The following B3GLCT variants were observed in gnomAD, a reference collection of about 807,000 sequenced individuals.
The protein encoded by B3GLCT is beta-1,3-glucosyltransferase.
In B3GLCT, 65 loss-of-function variants were observed where a neutral mutation model predicts 63.4. The observed-to-expected ratio is 1.03, with a 90% CI of 0.84 to 1.26. The LOEUF (loss-of-function observed/expected upper bound fraction) is 1.26. Ranked by LOEUF, B3GLCT falls within the 50% of genes most tolerant of loss-of-function variation. The pLI, the probability that B3GLCT is intolerant of heterozygous loss-of-function variation, is 0.00. For synonymous variants in B3GLCT, 233 were observed against 219.2 expected, an observed-to-expected ratio of 1.06 and a Z score of -0.55; for missense variants, 577 against 604.8, an observed-to-expected ratio of 0.95 and a Z score of 0.48.
At chr13:31,229,555 G>A (rs1187239303) in intron 4 of B3GLCT, among the ~76,000 whole-genome samples, 1 of 152,102 alleles carries the variant, frequency 6.6e-6, no homozygotes, top group African/African-American at 2.4e-5. Context: ...AGACCAGCCT[G>A]GCCAACATGG....
chr13:31,273,751 T>A lies in B3GLCT; in HGVS notation c.661-758T>A, dbSNP rs147946684. ...TTGCTAGTGGGTTATACTGACGAGA[T>A]AATTTAAATTATCAGTTTGAGATGT... is the stretch of plus-strand genomic sequence containing the variant. On this transcript the variant is annotated intron_variant, in intron 8 of 14. Transcript: ENST00000343307. Among the ~76,000 whole-genome samples, 19 of 152,372 alleles carry A rather than the reference T, an allele frequency of 1.2e-4. 1 individual carries two copies. In the East Asian group the frequency reaches 3.7e-3, roughly 29 times the overall value.
At chr13:31,284,869 C>T (rs1873245578) in intron 11 of B3GLCT, 108 bp downstream of exon 11, 1 of 766,714 alleles carries the variant, frequency 1.3e-6, no homozygotes, top group Non-Finnish European at 2.3e-6. Flanking sequence ...ATAATTTTTG[C>T]CTCATATTAG....
chr13:31,207,810 T>A (rs1271072421), intron 1 of B3GLCT, among the ~76,000 whole-genome samples: 1 of 152,226 alleles, frequency 6.6e-6, no homozygotes, highest in African/African-American at 2.4e-5. Flanking sequence ...CTTGGCCTCC[T>A]TCCTCACTAC....
chr13:31,282,643 CTG>C (rs1477874851), intron 10 of B3GLCT, among the ~76,000 whole-genome samples: 2 of 66,784 alleles, frequency 3.0e-5, no homozygotes, highest in Non-Finnish European at 6.2e-5. Context: ...GAGTGAGACT[CTG>C]TCTCAAAAAA....
intron 12 of B3GLCT, among the ~76,000 whole-genome samples, chr13:31,314,013 G>A (rs1198266245): frequency 6.6e-6 from 1 of 152,144 alleles, no homozygotes; most frequent in Non-Finnish European, 1.5e-5. Context: ...CCCAAGCCTT[G>A]GCAGCTTCCA....
chr13:31,219,380 AT>A (rs1462370987), intron 2 of B3GLCT, among the ~76,000 whole-genome samples: 46 of 152,298 alleles, frequency 3.0e-4, no homozygotes, highest in African/African-American at 9.4e-4. Context: ...ATCATTGAAT[AT>A]TTCTCACTTT....
At chr13:31,276,245 G>C (rs1014527657) in intron 9 of B3GLCT, among the ~76,000 whole-genome samples, 1 of 152,130 alleles carries the variant, frequency 6.6e-6, no homozygotes, top group Non-Finnish European at 1.5e-5. Flanking sequence ...TTAAAGTAAG[G>C]CCAGGCCCAG....
At chr13:31,244,556 A>G (rs1871108242) in intron 4 of B3GLCT, among the ~76,000 whole-genome samples, 1 of 152,180 alleles carries the variant, frequency 6.6e-6, no homozygotes, top group African/African-American at 2.4e-5. Flanking sequence ...CACTACCTTT[A>G]AGGAGATCTA....
At chr13:31,234,986 G>A (rs1003595098) in intron 4 of B3GLCT, among the ~76,000 whole-genome samples, 8 of 152,140 alleles carry the variant, frequency 5.3e-5, no homozygotes, top group African/African-American at 1.9e-4. Flanking sequence ...CGTGGGACTA[G>A]TCTTGGGCCA....
intron 4 of B3GLCT, 46 bp from the exon 5 acceptor site, chr13:31,246,977 G>A (rs370517693): frequency 6.6e-5 from 63 of 961,736 alleles, no homozygotes; most frequent in African/African-American, 3.5e-4. Context: ...ACTTTTTTTC[G>A]GAGTAGTCAA....
chr13:31,296,771 A>T (rs1036591276), intron 12 of B3GLCT, among the ~76,000 whole-genome samples: 1 of 151,902 alleles, frequency 6.6e-6, no homozygotes, highest in Non-Finnish European at 1.5e-5. Context: ...TAATTGTGGT[A>T]AAGTACACAC....
chr13:31,207,823 C>G (rs1869037781), intron 1 of B3GLCT, among the ~76,000 whole-genome samples: 1 of 152,232 alleles, frequency 6.6e-6, no homozygotes, highest in Non-Finnish European at 1.5e-5. Flanking sequence ...CTCACTACTT[C>G]TCTCCACTGG....
chr13:31,231,863 A>T (rs1439161483), intron 4 of B3GLCT, among the ~76,000 whole-genome samples: 1 of 152,170 alleles, frequency 6.6e-6, no homozygotes, highest in Non-Finnish European at 1.5e-5. Flanking sequence ...TCCGCAAAGG[A>T]TAGGGCCCAG....
chr13:31,286,573 A>G, intron 11 of B3GLCT, 147 bp from the exon 12 acceptor site: 1 of 594,364 alleles, frequency 1.7e-6, no homozygotes, highest in Non-Finnish European at 3.0e-6. Context: ...TGAAAATTAG[A>G]GAAGGCTATT....
In B3GLCT at chr13:31,255,988, A is replaced by G. The variant is rs909354216; in HGVS notation, c.460-4958A>G. On this transcript the variant is annotated intron_variant, in intron 6 of 14. Coordinates refer to ENST00000343307, the MANE Select transcript of B3GLCT (RefSeq NM_194318.4). ...GAGCTTCTGCACAGCAAAAGAAACT[A>G]TCATCAGACCAAACATGCAACCTAC... Among the ~76,000 whole-genome samples the G allele has an allele frequency of 2.0e-5, 3 of 152,364 alleles. No individual in the cohort carries two copies. In the South Asian group the frequency reaches 6.2e-4, roughly 32 times the overall value.
intron 6 of B3GLCT, 115 bp from the exon 7 acceptor site, chr13:31,260,831 A>G: frequency 1.1e-6 from 1 of 935,746 alleles, no homozygotes; most frequent in Non-Finnish European, 1.7e-6. Flanking sequence ...AATCTGTGCT[A>G]ATAACTCTTT....
intron 10 of B3GLCT, among the ~76,000 whole-genome samples, chr13:31,277,306 G>A (rs1872843000): frequency 6.6e-6 from 1 of 151,870 alleles, no homozygotes; most frequent in African/African-American, 2.4e-5. Context: ...TCTTCTTAAG[G>A]AAATCCTGGC....
chr13:31,246,751 G>A (rs1871208017), intron 4 of B3GLCT, among the ~76,000 whole-genome samples: 1 of 152,082 alleles, frequency 6.6e-6, no homozygotes, highest in African/African-American at 2.4e-5. Flanking sequence ...CCTCCTTGTA[G>A]GTCTTGAGCT....
At chr13:31,325,870 A>G (rs1463761388) in intron 14 of B3GLCT, among the ~76,000 whole-genome samples, 1 of 152,242 alleles carries the variant, frequency 6.6e-6, no homozygotes, top group African/African-American at 2.4e-5. Context: ...AAGCAGTCTC[A>G]TATGCAAAAT....
Sources: allele counts gnomAD v4.1 joint callset (sites outside exome capture counted in the v4.1 genomes callset), GRCh38; gene constraint gnomAD v4.1.1; transcripts MANE v1.5; gene names NCBI Gene and HGNC (gene_info 2026-07-23, HGNC 2026-07-21).